Variants in SDK2 observed in about 807,000 individuals in gnomAD.
SDK2 encodes protein sidekick-2.
A neutral mutation model predicts 253.9 loss-of-function variants in SDK2; 105 were observed. That is an observed-to-expected ratio of 0.41 (90% CI 0.35 to 0.49). The LOEUF (loss-of-function observed/expected upper bound fraction) is 0.49. SDK2 is among the 20% of genes least tolerant of loss of function. SDK2 has a pLI of 0.06. For missense variants in SDK2, 2,608 were observed against 3,003.0 expected (o/e 0.87, Z 3.07); for synonymous variants, 1,249 against 1,234.9 (o/e 1.01, Z -0.24).
intron 1 of SDK2, among the ~76,000 whole-genome samples, chr17:73,606,972 G>A (rs1437051522): frequency 2.6e-5 from 4 of 152,162 alleles, no homozygotes; most frequent in African/African-American, 9.7e-5. Context: ...TGGCCCAAGA[G>A]CCAATGCTTC....
intron 1 of SDK2, among the ~76,000 whole-genome samples, chr17:73,589,852 C>T (rs1418274776): frequency 2.6e-5 from 4 of 152,240 alleles, no homozygotes; most frequent in African/African-American, 9.6e-5. Flanking sequence ...TGCTGAGTGC[C>T]ATTAGCACCT....
chr17:73,601,160 C>T (rs1322139366), intron 1 of SDK2, among the ~76,000 whole-genome samples: 1 of 151,960 alleles, frequency 6.6e-6, no homozygotes, highest in Non-Finnish European at 1.5e-5. Context: ...GCTGGGAATA[C>T]AGGCATGCAC....
chr17:73,564,773 C>G (rs374890073), intron 1 of SDK2, among the ~76,000 whole-genome samples: 1 of 151,524 alleles, frequency 6.6e-6, no homozygotes, highest in African/African-American at 2.4e-5. Context: ...TGCAGTGGGC[C>G]GAGATCGCGC....
At chr17:73,348,807 C>A in intron 43 of SDK2, 82 bp from the exon 44 acceptor site, 5 of 1,156,886 alleles carry the variant, frequency 4.3e-6, no homozygotes, top group Non-Finnish European at 6.2e-6. Flanking sequence ...ACAGTGGGGG[C>A]CTGGGGAACA....
chr17:73,446,991 C>T (rs1267846767), intron 5 of SDK2, among the ~76,000 whole-genome samples: 1 of 152,190 alleles, frequency 6.6e-6, no homozygotes, highest in Non-Finnish European at 1.5e-5. Context: ...TTTGCCAAAG[C>T]ACACCAAGGG....
rs150404145 is a variant in SDK2 at position 73,348,324 on chromosome 17, C to G, written c.6165+275G>C. On this transcript the variant is annotated intron_variant, in intron 44 of 44. Transcript: ENST00000392650. ...AGGACAGCCCTAATGAGTAACTAAG[C>G]CTGTGGGGTGACCCCTGAACGTAGA... Among the ~76,000 whole-genome samples, 338 of 152,338 alleles carry G rather than the reference C, an allele frequency of 2.2e-3. 1 individual carries two copies. The highest frequency in any genetic ancestry group is 7.6e-3 in the African/African-American group (318 of 41,576).
rs1050030303 is a variant in SDK2 at position 73,494,513 on chromosome 17, C to G, written c.224+12925G>C. 5.9e-5 allele frequency among the ~76,000 whole-genome samples: 9 copies of G among 152,212 alleles called. No individual in the cohort carries two copies. The South Asian group carries it at 1.9e-3, about 32-fold the overall frequency. On this transcript the variant is annotated intron_variant, in intron 2 of 44. Transcript: ENST00000392650. ...ACCCGTTACGGAGAGTGTGAGCAAACAGGTTGCTATGGAAACCAAGCCAGT... is the reference window on the plus strand; with the variant it reads ...ACCCGTTACGGAGAGTGTGAGCAAAGAGGTTGCTATGGAAACCAAGCCAGT...
intron 6 of SDK2, among the ~76,000 whole-genome samples, chr17:73,438,356 C>T (rs1335081778): frequency 6.6e-6 from 1 of 152,192 alleles, no homozygotes; most frequent in Admixed American, 6.5e-5. Flanking sequence ...AAAGTGGGCG[C>T]ATCTGTGCCC....
chr17:73,388,131 G>A (rs1161456116), intron 29 of SDK2, 94 bp from the exon 30 acceptor site: 1 of 867,296 alleles, frequency 1.2e-6, no homozygotes, highest in Non-Finnish European at 1.8e-6. Flanking sequence ...GGTGATCTGG[G>A]CTCAGGCCTG....
At position 73,339,962 on chromosome 17, in the gene SDK2, C is replaced by A. The variant is rs575871692; in HGVS notation, c.6166-1022G>T. 3.9e-5 allele frequency among the ~76,000 whole-genome samples: 6 copies of A among 152,242 alleles called. 1 individual carries two copies. Among genetic ancestry groups the A allele is most frequent in the African/African-American group, 1.4e-4 (6 of 41,538 alleles). ...CTGGGCTCACTGCAACCTCCACCTA[C>A]CCGGTTCAAGTGATTCTCCTGCCTC... is the stretch of plus-strand genomic sequence containing the variant. On this transcript the variant is annotated intron_variant, in intron 44 of 44. Transcript: ENST00000392650.
chr17:73,507,306 C>T, intron 2 of SDK2, 132 bp downstream of exon 2: 1 of 966,120 alleles, frequency 1.0e-6, no homozygotes, highest in Non-Finnish European at 1.5e-6. Context: ...CTTTGCCACT[C>T]ACTTCCAGAA....
At chr17:73,456,194 C>G in intron 3 of SDK2, 141 bp from the exon 4 acceptor site, 1 of 871,314 alleles carries the variant, frequency 1.1e-6, no homozygotes, top group South Asian at 2.0e-5. Context: ...ACACCTTGCT[C>G]GGGCCACCCC....
At chr17:73,376,056 T>C (rs112675842) in intron 36 of SDK2, among the ~76,000 whole-genome samples, 9,664 of 151,724 alleles carry the variant, frequency 0.064, 479 homozygotes, top group African/African-American at 0.12. Context: ...TAGCTGGGCA[T>C]GGTGGCAGGC....
intron 12 of SDK2, among the ~76,000 whole-genome samples, chr17:73,429,806 G>A (rs1479173469): frequency 2.6e-5 from 4 of 152,322 alleles, no homozygotes; most frequent in Admixed American, 1.3e-4. Flanking sequence ...CCAAAGCCTT[G>A]GGGGTGGGGG....
At chr17:73,368,265 G>A in intron 37 of SDK2, 142 bp downstream of exon 37, 1 of 714,344 alleles carries the variant, frequency 1.4e-6, no homozygotes, top group Non-Finnish European at 2.1e-6. Flanking sequence ...GGTGTCTCTG[G>A]GGACCTGGGT....
intron 1 of SDK2, among the ~76,000 whole-genome samples, chr17:73,549,340 T>G (rs2045018745): frequency 1.3e-5 from 2 of 152,178 alleles, no homozygotes; most frequent in Non-Finnish European, 2.9e-5. Flanking sequence ...CATCACTTCC[T>G]CATGACTCAA....
chr17:73,566,319 ATGTGTGTG>A (rs55940592), intron 1 of SDK2, among the ~76,000 whole-genome samples: 6 of 139,416 alleles, frequency 4.3e-5, no homozygotes, highest in African/African-American at 1.7e-4. Flanking sequence ...TTATATATAT[ATGTGTGTG>A]TGTGTGTGTG....
intron 3 of SDK2, 79 bp from the exon 4 acceptor site, chr17:73,456,132 G>A (rs1176325082): frequency 7.1e-7 from 1 of 1,401,054 alleles, no homozygotes; most frequent in South Asian, 1.5e-5. Flanking sequence ...GTTGGGAGTG[G>A]TGGCTATGGA....
At chr17:73,543,000 G>C (rs2044894314) in intron 1 of SDK2, among the ~76,000 whole-genome samples, 1 of 152,098 alleles carries the variant, frequency 6.6e-6, no homozygotes, top group Admixed American at 6.5e-5. Flanking sequence ...ACAAGTTCTA[G>C]GCCACGCCCC....
Sources: gnomAD v4.1 joint callset for allele counts (sites outside exome capture counted in the v4.1 genomes callset) on GRCh38, gnomAD v4.1.1 for gene constraint, MANE v1.5 for transcripts, NCBI Gene and HGNC (gene_info 2026-07-23, HGNC 2026-07-21) for gene names.